The following SLC39A8 variants were observed in gnomAD, a reference collection of about 807,000 sequenced individuals.
SLC39A8 encodes solute carrier family 39 member 8.
A neutral mutation model predicts 40.4 loss-of-function variants in SLC39A8; 15 were observed. The observed-to-expected ratio is 0.37, with a 90% CI of 0.25 to 0.57. SLC39A8 has a LOEUF of 0.57. SLC39A8 is among the 20% of genes least tolerant of loss of function. SLC39A8 has a pLI of 0.75. For synonymous variants in SLC39A8, 223 were observed against 221.6 expected (o/e 1.01, Z -0.06); for missense variants, 472 against 558.8 (o/e 0.84, Z 1.57).
intron 4 of SLC39A8, among the ~76,000 whole-genome samples, 179 bp from the exon 5 acceptor site, chr4:102,305,290 T>C (rs550751314): frequency 2.0e-5 from 3 of 151,912 alleles, no homozygotes; most frequent in African/African-American, 7.2e-5. Flanking sequence ...ATGACAAAAC[T>C]GTATGAGATG....
At chr4:102,276,466 A>G (rs556242951) in intron 6 of SLC39A8, among the ~76,000 whole-genome samples, 1 of 150,836 alleles carries the variant, frequency 6.6e-6, no homozygotes, top group South Asian at 2.1e-4. Flanking sequence ...AAAGGCCAAT[A>G]ACAAGTCCTG....
chr4:102,264,835 T>G (rs1732027983), intron 8 of SLC39A8, among the ~76,000 whole-genome samples: 1 of 152,244 alleles, frequency 6.6e-6, no homozygotes, highest in Admixed American at 6.5e-5. Context: ...TGAATACACC[T>G]CTGCTAATGT....
intron 2 of SLC39A8, among the ~76,000 whole-genome samples, chr4:102,343,777 C>T (rs1207228224): frequency 1.3e-5 from 2 of 152,054 alleles, no homozygotes; most frequent in African/African-American, 2.4e-5. Context: ...CTAGTAGTAC[C>T]CTGTTTATTA....
chr4:102,319,636 C>T (rs1049403069), intron 2 of SLC39A8, among the ~76,000 whole-genome samples: 1 of 152,066 alleles, frequency 6.6e-6, no homozygotes, highest in African/African-American at 2.4e-5. Context: ...CCCACTCCTA[C>T]CCCTGCTCCT....
chr4:102,251,396 T>C (rs1325987078), exon 12 of SLC39A8: 1 of 152,210 alleles, frequency 6.6e-6, no homozygotes, highest in East Asian at 1.9e-4. Flanking sequence ...AGGGCCAGGT[T>C]CAGACACAGT....
chr4:102,339,202 T>G (rs2149056597), intron 2 of SLC39A8, among the ~76,000 whole-genome samples: 1 of 152,172 alleles, frequency 6.6e-6, no homozygotes. Context: ...CTTGGAGGAT[T>G]CTTAACAAGA....
intron 2 of SLC39A8, among the ~76,000 whole-genome samples, chr4:102,331,129 C>T (rs921471146): frequency 5.9e-5 from 9 of 152,194 alleles, no homozygotes; most frequent in Non-Finnish European, 1.2e-4. Flanking sequence ...CAAGGATGCC[C>T]TCTATTACCA....
rs561299418 is a variant in SLC39A8 at position 102,299,712 on chromosome 4, T to C, written c.840+4605A>G. Among the ~76,000 whole-genome samples the C allele has an allele frequency of 3.9e-5, 6 of 152,150 alleles. No individual in the cohort carries two copies. The South Asian group carries it at 1.0e-3, about 26-fold the overall frequency. On this transcript the variant is annotated intron_variant, in intron 6 of 8. Coordinates refer to ENST00000356736, the MANE Select transcript of SLC39A8 (RefSeq NM_001135146.2). The stretch of plus-strand genomic sequence containing the variant: ...ACACATAAAATTCACAATAATCAAC[T>C]TCTAAAAATCACTTTATATTTAATA...
At chr4:102,309,206 G>GC (rs1482602990) in intron 3 of SLC39A8, among the ~76,000 whole-genome samples, 15 of 151,818 alleles carry the variant, frequency 9.9e-5, no homozygotes, top group South Asian at 6.3e-4. Flanking sequence ...CCAAACCATG[G>GC]CTCCTGCCAC....
intron 6 of SLC39A8, among the ~76,000 whole-genome samples, chr4:102,287,901 C>T (rs980782749): frequency 2.0e-5 from 3 of 152,102 alleles, no homozygotes; most frequent in African/African-American, 4.8e-5. Flanking sequence ...AAGATAATTA[C>T]ACCTAAATGA....
intron 6 of SLC39A8, among the ~76,000 whole-genome samples, chr4:102,276,697 T>C (rs1045005722): frequency 2.0e-5 from 3 of 152,130 alleles, no homozygotes; most frequent in Non-Finnish European, 4.4e-5. Context: ...AAAGAAAATT[T>C]CAGCCTAATA....
chr4:102,295,856 T>C (rs1012026200), intron 6 of SLC39A8, among the ~76,000 whole-genome samples: 7 of 152,126 alleles, frequency 4.6e-5, no homozygotes, highest in African/African-American at 1.7e-4. Flanking sequence ...AATAAAATGC[T>C]TTTGTCAAAT....
intron 6 of SLC39A8, among the ~76,000 whole-genome samples, chr4:102,297,320 A>G (rs1733721327): frequency 6.6e-6 from 1 of 152,114 alleles, no homozygotes; most frequent in Admixed American, 6.6e-5. Flanking sequence ...GACCTTGGGT[A>G]AGTTCCTTAC....
rs964447280 is a variant in SLC39A8 at position 102,262,592 on chromosome 4, A to G, written c.*452T>C. On this transcript the variant is annotated 3_prime_UTR_variant, in exon 9 of 9. Coordinates refer to ENST00000356736, the MANE Select transcript of SLC39A8 (RefSeq NM_001135146.2). The stretch of plus-strand genomic sequence containing the variant: ...GTGTTGCATACATTTTACCTTCTAC[A>G]TTTTGATGTACTTGCTCTTGAAAGC... The G allele has an allele frequency of 4.1e-6, 4 of 985,406 alleles. No homozygotes were observed. The South Asian group carries it at 1.4e-4, about 35-fold the overall frequency. 61.0% of individuals were successfully genotyped at this position (985,406 alleles called of 1,614,324 possible). A position where few individuals can be genotyped will look rare whatever the true frequency, so the allele number is the denominator to read the frequency against.
At chr4:102,298,247 G>C (rs1208681859) in intron 6 of SLC39A8, among the ~76,000 whole-genome samples, 1 of 151,996 alleles carries the variant, frequency 6.6e-6, no homozygotes, top group Non-Finnish European at 1.5e-5. Flanking sequence ...GCTAAATTCA[G>C]TGGATTCAGG....
At chr4:102,259,518 C>T, downstream of SLC39A8, 4 of 1,537,668 alleles carry the variant, frequency 2.6e-6, no homozygotes, top group Non-Finnish European at 3.5e-6. Context: ...TGATTATCTA[C>T]AAGAATCAGA....
intron 2 of SLC39A8, among the ~76,000 whole-genome samples, chr4:102,335,491 A>G (rs1164023866): frequency 1.3e-5 from 2 of 152,170 alleles, no homozygotes; most frequent in Non-Finnish European, 2.9e-5. Flanking sequence ...AAACCCATAT[A>G]GAGGTCCATA....
chr4:102,253,141 C>T, exon 12 of SLC39A8: 1 of 272,630 alleles, frequency 3.7e-6, no homozygotes, highest in Non-Finnish European at 6.2e-6. Flanking sequence ...GGGATTAGAA[C>T]TCAAACATGT....
At chr4:102,333,924 C>T (rs2149053036) in intron 2 of SLC39A8, among the ~76,000 whole-genome samples, 1 of 152,218 alleles carries the variant, frequency 6.6e-6, no homozygotes, top group Middle Eastern at 3.4e-3. Context: ...AAAAACATGG[C>T]ACAAACAGCT....
Sources: allele counts gnomAD v4.1 joint callset (sites outside exome capture counted in the v4.1 genomes callset), GRCh38; gene constraint gnomAD v4.1.1; transcripts MANE v1.5; gene names NCBI Gene and HGNC (gene_info 2026-07-23, HGNC 2026-07-21).